GRB14: variants seen among roughly 807,000 people sequenced by gnomAD.
The protein encoded by GRB14 is growth factor receptor bound protein 14.
A neutral mutation model predicts 69.1 loss-of-function variants in GRB14; 38 were observed. The observed-to-expected ratio is 0.55, with a 90% CI of 0.42 to 0.72. The LOEUF is 0.72. GRB14 is among the 30% of genes least tolerant of loss of function. The pLI, the probability that GRB14 is intolerant of heterozygous loss-of-function variation, is 0.00. For missense variants in GRB14, 666 were observed against 666.1 expected, an observed-to-expected ratio of 1.00 and a Z score of 0.00; for synonymous variants, 247 against 241.3, an observed-to-expected ratio of 1.02 and a Z score of -0.22.
chr2:164,575,905 T>G (rs960773434), intron 2 of GRB14, among the ~76,000 whole-genome samples: 1 of 152,120 alleles, frequency 6.6e-6, no homozygotes, highest in South Asian at 2.1e-4. Context: ...TGCTAAACTT[T>G]TATGTTATCT....
At chr2:164,521,912 A>G in intron 6 of GRB14, 68 bp downstream of exon 6, 6 of 1,350,972 alleles carry the variant, frequency 4.4e-6, no homozygotes, top group Non-Finnish European at 6.2e-6. Flanking sequence ...TAAATACAAC[A>G]AAGTCAACGT....
chr2:164,587,164 G>T (rs955959555), intron 2 of GRB14, among the ~76,000 whole-genome samples: 4 of 152,250 alleles, frequency 2.6e-5, no homozygotes, highest in Non-Finnish European at 4.4e-5. Context: ...AAACAAAAAA[G>T]TCTTATTTAA....
chr2:164,544,743 G>A (rs1397747556), intron 3 of GRB14, among the ~76,000 whole-genome samples: 2 of 152,162 alleles, frequency 1.3e-5, no homozygotes, highest in Non-Finnish European at 2.9e-5. Flanking sequence ...TAGCTCATCA[G>A]CTATCAGCTG....
intron 2 of GRB14, among the ~76,000 whole-genome samples, chr2:164,575,126 T>G (rs1689221883): frequency 6.6e-6 from 1 of 152,124 alleles, no homozygotes; most frequent in African/African-American, 2.4e-5. Context: ...TCAGATTCAG[T>G]GGACACCACT....
chr2:164,524,762 T>C (rs1365054595), intron 5 of GRB14, among the ~76,000 whole-genome samples: 1 of 152,034 alleles, frequency 6.6e-6, no homozygotes, highest in Non-Finnish European at 1.5e-5. Flanking sequence ...ACACACATTT[T>C]TAAATATGTA....
intron 3 of GRB14, among the ~76,000 whole-genome samples, chr2:164,530,627 G>A (rs141965178): frequency 6.1e-4 from 92 of 151,762 alleles, no homozygotes; most frequent in African/African-American, 2.2e-3. Flanking sequence ...ATAGAGAGGA[G>A]AAGCAAGAAA....
chr2:164,519,066 A>G (rs1404235389), intron 6 of GRB14, among the ~76,000 whole-genome samples: 3 of 152,124 alleles, frequency 2.0e-5, no homozygotes, highest in Admixed American at 1.3e-4. Flanking sequence ...AGGACACAAC[A>G]AAAGAAGAAA....
In GRB14 at chr2:164,509,007, C is replaced by T. The variant is rs147232551; in HGVS notation, c.817-155G>A. Among the ~76,000 whole-genome samples the T allele has an allele frequency of 2.8e-3, 421 of 152,052 alleles. 5 individuals are homozygous for T. The highest frequency in any genetic ancestry group is 9.7e-3 in the African/African-American group (402 of 41,464). ...AAAGGAGAAAAAAAATCTAAGCTGC[C>T]ATATCTTTAATTAACCAGGAGCTGG... On this transcript the variant is annotated intron_variant, in intron 6 of 13. Transcript: ENST00000263915.
intron 6 of GRB14, among the ~76,000 whole-genome samples, chr2:164,510,344 C>A (rs559402533): frequency 6.6e-6 from 1 of 152,112 alleles, no homozygotes; most frequent in Non-Finnish European, 1.5e-5. Flanking sequence ...TGAAGTTGAA[C>A]GGGCATGGTT....
chr2:164,514,421 A>G (rs551603947), intron 6 of GRB14, among the ~76,000 whole-genome samples: 15 of 152,336 alleles, frequency 9.8e-5, no homozygotes, highest in Non-Finnish European at 2.1e-4. Flanking sequence ...CCCTGAACAC[A>G]CACCCTCACT....
intron 2 of GRB14, among the ~76,000 whole-genome samples, chr2:164,562,733 C>T (rs1398739473): frequency 1.3e-5 from 2 of 152,180 alleles, no homozygotes; most frequent in Non-Finnish European, 2.9e-5. Flanking sequence ...TGTGAGGAAG[C>T]ATCATCATCC....
intron 2 of GRB14, among the ~76,000 whole-genome samples, chr2:164,556,189 T>A (rs183606844): frequency 2.6e-5 from 4 of 152,278 alleles, no homozygotes; most frequent in Admixed American, 2.6e-4. Flanking sequence ...TTTTGCATTT[T>A]AAAAATAAAG....
At chr2:164,511,921 C>T (rs1250260916) in intron 6 of GRB14, among the ~76,000 whole-genome samples, 2 of 152,050 alleles carry the variant, frequency 1.3e-5, no homozygotes, top group East Asian at 3.9e-4. Context: ...AAGGGCGAGT[C>T]CCAGACCTGG....
Position 164,522,059 on chromosome 2 carries a change from T to C in GRB14, c.737A>G (p.Gln246Arg), listed in dbSNP as rs528024403. Reference sequence around the variant, plus strand: ...AATTTTTTTCCAAGACTTCTTTCCCTGTTCTTTCGCATGTAAGAAACCATG... The same window carrying C: ...AATTTTTTTCCAAGACTTCTTTCCCCGTTCTTTCGCATGTAAGAAACCATG... ...EIHGFLHAKE[Q>R]GKKSWKKIYF... Residue 246 changes from glutamine to arginine, a missense_variant, in exon 6 of 14, where the codon CAG becomes CGG. By Grantham distance (43) the Gln-to-Arg change is conservative. Transcript: ENST00000263915. 8 of 1,603,086 alleles carry C rather than the reference T, an allele frequency of 5.0e-6. No homozygotes were observed. In the African/African-American group the frequency reaches 6.7e-5, roughly 13 times the overall value.
At position 164,497,083 on chromosome 2, in the gene GRB14, G is replaced by C; in HGVS notation, c.1307C>G (p.Ser436Cys). ...AATTTTGTGGTGAAACCATGGCTGG[G>C]ACCGGTGGATAGCTAAAGAAATAGG... The part of the protein sequence containing the change: ...SSATNMAIHR[S>C]QPWFHHKISR... Residue 436 changes from serine (S) to cysteine (C), a missense_variant, in exon 12 of 14, where the codon TCC becomes TGC. By Grantham distance (112) the Ser-to-Cys change is moderately radical. Coordinates refer to ENST00000263915, the MANE Select transcript of GRB14 (RefSeq NM_004490.3). 1 of 1,613,684 alleles carries C rather than the reference G, an allele frequency of 6.2e-7. No homozygotes were observed. Among genetic ancestry groups the C allele is most frequent in the Non-Finnish European group, 8.5e-7 (1 of 1,179,708 alleles).
chr2:164,609,191 C>A lies in GRB14; in HGVS notation c.324+10496G>T, dbSNP rs1455759969. On this transcript the variant is annotated intron_variant, in intron 2 of 13. Coordinates refer to ENST00000263915, the MANE Select transcript of GRB14 (RefSeq NM_004490.3). ...CTCATTCTCCCAGCTGTTAGAGTAT[C>A]AGCCACTAAGACTTGTGGCTAAGGC... Among the ~76,000 whole-genome samples, 4 of 152,344 alleles carry A rather than the reference C, an allele frequency of 2.6e-5. No individual in the cohort carries two copies. In the East Asian group the frequency reaches 7.7e-4, roughly 29 times the overall value.
intron 8 of GRB14, among the ~76,000 whole-genome samples, chr2:164,507,846 GT>G (rs1687232623): frequency 6.6e-6 from 1 of 152,122 alleles, no homozygotes; most frequent in South Asian, 2.1e-4. Flanking sequence ...GAAGACATCA[GT>G]TCTGCTTTTA....
At chr2:164,549,489 T>G (rs1431223099) in intron 2 of GRB14, among the ~76,000 whole-genome samples, 1 of 152,196 alleles carries the variant, frequency 6.6e-6, no homozygotes, top group East Asian at 1.9e-4. Context: ...TTCTCTTCAG[T>G]GTCTAAACTA....
chr2:164,594,079 T>C (rs1300913098), intron 2 of GRB14, among the ~76,000 whole-genome samples: 2 of 152,146 alleles, frequency 1.3e-5, no homozygotes, highest in African/African-American at 2.4e-5. Context: ...GGGAGTCTAT[T>C]CAAAAACTAA....
Sources: gnomAD v4.1 joint callset for allele counts (sites outside exome capture counted in the v4.1 genomes callset) on GRCh38, gnomAD v4.1.1 for gene constraint, MANE v1.5 for transcripts, NCBI Gene and HGNC (gene_info 2026-07-23, HGNC 2026-07-21) for gene names.